TEX10: variants seen among roughly 807,000 people sequenced by gnomAD.
TEX10 encodes testis-expressed protein 10.
A neutral mutation model predicts 104.4 loss-of-function variants in TEX10; 24 were observed. The ratio of observed to expected loss-of-function variants is 0.23; its 90% CI spans 0.17 to 0.32. The LOEUF is 0.32. Among genes scored for constraint, TEX10 ranks in the 10% least tolerant of loss-of-function variants. TEX10 has a pLI of 1.00. For synonymous variants in TEX10, 396 were observed against 393.4 expected, an observed-to-expected ratio of 1.01 and a Z score of -0.08; for missense variants, 921 against 1,083.9, an observed-to-expected ratio of 0.85 and a Z score of 2.11.
At chr9:100,352,578 A>T in intron 1 of TEX10, 194 bp downstream of exon 1, 1 of 1,521,482 alleles carries the variant, frequency 6.6e-7, no homozygotes, top group Non-Finnish European at 8.8e-7. Context: ...CAAACGCCCT[A>T]GGGGGTCCCG....
intron 2 of TEX10, among the ~76,000 whole-genome samples, chr9:100,348,322 G>A (rs1024546084): frequency 2.0e-5 from 3 of 152,114 alleles, no homozygotes; most frequent in African/African-American, 4.8e-5. Flanking sequence ...TGATAAAAAC[G>A]TTCTAAAATT....
chr9:100,329,523 A>G (rs6479013), intron 6 of TEX10, among the ~76,000 whole-genome samples: 129,746 of 152,130 alleles, frequency 0.85, 55,887 homozygotes, highest in African/African-American at 0.96. Flanking sequence ...TTAGAAAGGC[A>G]ATTTAGATGG....
chr9:100,314,702 C>A (rs573290606), intron 11 of TEX10, among the ~76,000 whole-genome samples: 120 of 152,108 alleles, frequency 7.9e-4, no homozygotes, highest in African/African-American at 2.8e-3. Flanking sequence ...GTTTTTTGAT[C>A]TCTATTTCAT....
chr9:100,346,685 C>A lies in TEX10; in HGVS notation c.893+9G>T. On this transcript the variant is annotated intron_variant, in intron 3 of 14. Transcript: ENST00000374902. ...AAAACTGTGTGGACATAACTGAAATCCTTCTTACCGTAGCCTGAACTGTGA... is the reference window on the plus strand; with the variant it reads ...AAAACTGTGTGGACATAACTGAAATACTTCTTACCGTAGCCTGAACTGTGA... 6.3e-7 allele frequency: 1 copy of A among 1,597,184 alleles called. No individual in the cohort carries two copies. Among genetic ancestry groups the A allele is most frequent in the South Asian group, 1.1e-5 (1 of 87,878 alleles).
intron 5 of TEX10, among the ~76,000 whole-genome samples, chr9:100,334,946 T>A (rs1326404273): frequency 1.3e-5 from 2 of 152,188 alleles, no homozygotes; most frequent in Non-Finnish European, 2.9e-5. Flanking sequence ...ATTACAGGCG[T>A]GAGCCACCGC....
Position 100,331,814 on chromosome 9 carries a change from T to A in TEX10, c.1251-1645A>T, listed in dbSNP as rs1388738350. Among the ~76,000 whole-genome samples the A allele has an allele frequency of 3.9e-5, 6 of 152,272 alleles. No homozygotes were observed. The East Asian group carries it at 1.2e-3, about 29-fold the overall frequency. The stretch of plus-strand genomic sequence containing the variant: ...AAGAAGCAGCACTCCAGACAAGAGA[T>A]GGCAAGTCCAAGAACCAGGGTCAAT... On this transcript the variant is annotated intron_variant, in intron 5 of 14. Transcript: ENST00000374902.
intron 4 of TEX10, among the ~76,000 whole-genome samples, chr9:100,344,008 T>C (rs934202814): frequency 6.6e-6 from 1 of 152,358 alleles, no homozygotes; most frequent in South Asian, 2.1e-4. Context: ...TCATTTTGTA[T>C]AGATTGTACC....
intron 9 of TEX10, among the ~76,000 whole-genome samples, chr9:100,325,432 G>C (rs1392133202): frequency 2.0e-5 from 3 of 152,192 alleles, no homozygotes; most frequent in Non-Finnish European, 2.9e-5. Context: ...AAGGAGGGAG[G>C]ATCTCCTGAG....
chr9:100,324,303 G>T (rs1042166062), intron 9 of TEX10, among the ~76,000 whole-genome samples: 1 of 152,150 alleles, frequency 6.6e-6, no homozygotes, highest in Non-Finnish European at 1.5e-5. Flanking sequence ...ATAGTGCTGG[G>T]ATTTACAGGT....
chr9:100,337,131 A>G (rs899907211), intron 5 of TEX10, among the ~76,000 whole-genome samples: 2 of 152,148 alleles, frequency 1.3e-5, no homozygotes, highest in Non-Finnish European at 2.9e-5. Context: ...CCTTCACTAT[A>G]TCTATCACAA....
Position 100,308,625 on chromosome 9 carries a change from A to G in TEX10, c.2340T>C (p.Cys780=), listed in dbSNP as rs755045644. Residue 780 remains cysteine, a synonymous_variant, in exon 13 of 15, where the codon TGT becomes TGC. Coordinates refer to ENST00000374902, the MANE Select transcript of TEX10 (RefSeq NM_017746.4). ...CTACACAAGTATGATCCAGGAGCTT[A>G]CAGATAACACCAAAAACACAGCCAG... is the stretch of plus-strand genomic sequence containing the variant. ...STAGCVFGVI[C]KLLDHTCVVS... The G allele has an allele frequency of 1.2e-6, 2 of 1,611,386 alleles. No homozygotes were observed. Among genetic ancestry groups the G allele is most frequent in the South Asian group, 2.2e-5 (2 of 90,408 alleles).
chr9:100,310,526 T>C (rs1834251078), intron 11 of TEX10, 147 bp from the exon 12 acceptor site: 2 of 689,200 alleles, frequency 2.9e-6, no homozygotes, highest in Non-Finnish European at 4.8e-6. Context: ...GCAACCCCCG[T>C]GACCTGGCTC....
intron 2 of TEX10, among the ~76,000 whole-genome samples, chr9:100,347,850 C>A (rs1180666472): frequency 3.3e-5 from 5 of 151,748 alleles, no homozygotes; most frequent in Admixed American, 2.0e-4. Context: ...ATTTATGTAA[C>A]CTTTGGGAAA....
chr9:100,319,565 G>A (rs1417851468), intron 11 of TEX10, among the ~76,000 whole-genome samples: 5 of 152,140 alleles, frequency 3.3e-5, no homozygotes, highest in African/African-American at 7.2e-5. Context: ...AGCACTTTGG[G>A]AGGCTGAGGC....
chr9:100,320,948 G>A (rs1445584618), intron 10 of TEX10, among the ~76,000 whole-genome samples: 1 of 152,146 alleles, frequency 6.6e-6, no homozygotes, highest in African/African-American at 2.4e-5. Context: ...ACTCCTGAAA[G>A]GTAGTTCTCA....
chr9:100,351,487 T>C (rs975414295), intron 1 of TEX10, among the ~76,000 whole-genome samples: 10 of 152,304 alleles, frequency 6.6e-5, no homozygotes, highest in African/African-American at 2.4e-4. Flanking sequence ...ATGGTTTTCA[T>C]TAATTAAGCA....
intron 6 of TEX10, 72 bp from the exon 7 acceptor site, chr9:100,329,347 C>A: frequency 1.9e-6 from 3 of 1,544,288 alleles, no homozygotes; most frequent in East Asian, 2.3e-5. Flanking sequence ...CCTCTGAATG[C>A]ACCGAAGTAC....
intron 1 of TEX10, among the ~76,000 whole-genome samples, chr9:100,351,080 A>G (rs1347187079): frequency 6.6e-6 from 1 of 152,162 alleles, no homozygotes; most frequent in Non-Finnish European, 1.5e-5. Flanking sequence ...CAAGCCCGGT[A>G]CTAGATGCAT....
chr9:100,310,277 GA>G, intron 12 of TEX10, 21 bp downstream of exon 12: 3 of 1,606,190 alleles, frequency 1.9e-6, no homozygotes, highest in Non-Finnish European at 2.6e-6. Context: ...ATTCTTAAGA[GA>G]AAAAGTTTAA....
Sources: gnomAD v4.1 joint callset for allele counts (sites outside exome capture counted in the v4.1 genomes callset) on GRCh38, gnomAD v4.1.1 for gene constraint, MANE v1.5 for transcripts, NCBI Gene and HGNC (gene_info 2026-07-23, HGNC 2026-07-21) for gene names.